CLPB: variants seen among roughly 807,000 people sequenced by gnomAD.
CLPB encodes the protein mitochondrial disaggregase.
In CLPB, 40 loss-of-function variants were observed where a neutral mutation model predicts 78.4. The observed-to-expected ratio is 0.51, with a 90% CI of 0.40 to 0.66. The LOEUF (loss-of-function observed/expected upper bound fraction) is 0.66. Ranked by LOEUF, CLPB falls within the 30% of genes least tolerant of loss-of-function variation. The pLI is 0.00. For missense variants in CLPB, 780 were observed against 886.9 expected, an observed-to-expected ratio of 0.88 and a Z score of 1.53; for synonymous variants, 333 against 348.0, an observed-to-expected ratio of 0.96 and a Z score of 0.48.
At chr11:72,418,676 G>A (rs1350908376) in intron 2 of CLPB, among the ~76,000 whole-genome samples, 1 of 152,016 alleles carries the variant, frequency 6.6e-6, no homozygotes, top group African/African-American at 2.4e-5. Flanking sequence ...CCAACATGGC[G>A]AAACCCTGTC....
chr11:72,350,006 G>A (rs1173775424), intron 5 of CLPB, among the ~76,000 whole-genome samples: 2 of 152,248 alleles, frequency 1.3e-5, no homozygotes, highest in Non-Finnish European at 2.9e-5. Context: ...AAATGCGGGG[G>A]CCTGGATGGC....
At chr11:72,319,183 G>A (rs59990809) in intron 6 of CLPB, among the ~76,000 whole-genome samples, 2,832 of 152,190 alleles carry the variant, frequency 0.019, 92 homozygotes, top group African/African-American at 0.065. Flanking sequence ...TACTGTCTAG[G>A]GAGTCTGTTG....
At chr11:72,320,361 T>A (rs1950023383) in intron 6 of CLPB, among the ~76,000 whole-genome samples, 3 of 152,198 alleles carry the variant, frequency 2.0e-5, no homozygotes, top group Admixed American at 2.0e-4. Flanking sequence ...TTCCTGTTTA[T>A]TTCTTGGGCA....
At chr11:72,416,572 C>A (rs1856030032) in intron 2 of CLPB, among the ~76,000 whole-genome samples, 2 of 151,522 alleles carry the variant, frequency 1.3e-5, no homozygotes, top group African/African-American at 2.4e-5. Context: ...CCCGTCTCTA[C>A]CAAAAATACA....
chr11:72,314,967 G>C (rs1183717613), intron 7 of CLPB, among the ~76,000 whole-genome samples: 1 of 152,168 alleles, frequency 6.6e-6, no homozygotes, highest in Non-Finnish European at 1.5e-5. Flanking sequence ...TACGTGTTTT[G>C]CAAAGATCAC....
chr11:72,434,513 T>C lies in CLPB; in HGVS notation c.-39A>G. On this transcript the variant is annotated 5_prime_UTR_variant, in exon 1 of 16. Transcript: ENST00000538039. ...TCGATAACCCCGTGGTGCCGGCCCC[T>C]GTGCTGACCACGTCCAACATGGCTG... The C allele has an allele frequency of 8.6e-6, 13 of 1,512,144 alleles. No homozygotes were observed. Among genetic ancestry groups the C allele is most frequent in the South Asian group, 1.3e-5 (1 of 75,272 alleles). The allele number at this position is 1,512,144 out of a possible 1,614,324, so 93.7% of individuals were successfully genotyped here.
rs757880862 is a variant in CLPB at position 72,329,768 on chromosome 11, G to A, written c.812C>T (p.Thr271Ile). ...NPLQRNEMGHTPLDYAREGEV... is the reference protein window; with the variant it reads ...NPLQRNEMGHIPLDYAREGEV... ...CCCTTCTCGGGCATAATCCAAGGGTGTGTGTCCCATTTCATTCCTCTGCAG... is the reference window on the plus strand; with the variant it reads ...CCCTTCTCGGGCATAATCCAAGGGTATGTGTCCCATTTCATTCCTCTGCAG... The change falls in exon 6 of 16, where the codon ACA (threonine) becomes ATA (isoleucine). Residue 271 changes from threonine (T) to isoleucine (I), a missense_variant. Around this residue, in one of 3 missense-constraint regions of CLPB, gnomAD observed 417 missense variants for 414.7 expected, o/e 1.01. Coordinates refer to ENST00000538039, the MANE Select transcript of CLPB (RefSeq NM_001258392.3). 1 of 1,613,850 alleles carries A rather than the reference G, an allele frequency of 6.2e-7. No homozygotes were observed. The highest frequency in any genetic ancestry group is 1.7e-5 in the Admixed American group (1 of 59,984).
chr11:72,400,151 T>C (rs1050287627), intron 3 of CLPB, among the ~76,000 whole-genome samples: 1 of 152,218 alleles, frequency 6.6e-6, no homozygotes, highest in Non-Finnish European at 1.5e-5. Flanking sequence ...ATAAGCTCTA[T>C]GTGGGCAGGG....
intron 6 of CLPB, among the ~76,000 whole-genome samples, chr11:72,319,796 A>G (rs1950012478): frequency 6.6e-6 from 1 of 152,240 alleles, no homozygotes; most frequent in Admixed American, 6.5e-5. Flanking sequence ...CCTTCTACCT[A>G]ACCCTTATTA....
chr11:72,285,661 A>G lies in CLPB; in HGVS notation c.*7706T>C, dbSNP rs1446727718. ...TTAAATTTATTAAGTATAATTTTGA[A>G]CAGGTAATACATTAATATGGTTCAA... On this transcript the variant is annotated 3_prime_UTR_variant, in exon 16 of 16. Coordinates refer to ENST00000538039, the MANE Select transcript of CLPB (RefSeq NM_001258392.3). The G allele has an allele frequency of 1.3e-5, 2 of 152,182 alleles. No individual in the cohort carries two copies. The highest frequency in any genetic ancestry group is 1.3e-4 in the Admixed American group (2 of 15,270). 9.4% of individuals were successfully genotyped at this position (152,182 alleles called of 1,614,324 possible). A position where few individuals can be genotyped will look rare whatever the true frequency, so the allele number is the denominator to read the frequency against.
intron 3 of CLPB, among the ~76,000 whole-genome samples, chr11:72,390,453 G>GAAAAAAAAAAAAAAAAAAAAAAAAAAAA (rs1329085745): frequency 1.4e-5 from 1 of 69,626 alleles, no homozygotes; most frequent in African/African-American, 5.4e-5. Context: ...AAACGAAATA[G>GAAAAAAAAAAAAAAAAAAAAAAAAAAAA]AAAAAAAAAA....
At chr11:72,430,126 C>A (rs559322754) in intron 2 of CLPB, among the ~76,000 whole-genome samples, 186 bp downstream of exon 2, 1 of 152,102 alleles carries the variant, frequency 6.6e-6, no homozygotes, top group East Asian at 1.9e-4. Flanking sequence ...GACTCCCTAC[C>A]GAAAATATCC....
chr11:72,397,510 T>A (rs569758676), intron 3 of CLPB, among the ~76,000 whole-genome samples: 172 of 152,324 alleles, frequency 1.1e-3, no homozygotes, highest in Non-Finnish European at 1.5e-3. Context: ...ATCAATATTG[T>A]TCTGTATCCT....
intron 2 of CLPB, among the ~76,000 whole-genome samples, chr11:72,422,144 G>A (rs1188343280): frequency 6.6e-6 from 1 of 151,952 alleles, no homozygotes; most frequent in Non-Finnish European, 1.5e-5. Flanking sequence ...GCGGGCGCCT[G>A]TAGTCCAGCA....
chr11:72,415,613 A>G (rs2059129646), intron 2 of CLPB, among the ~76,000 whole-genome samples: 1 of 152,182 alleles, frequency 6.6e-6, no homozygotes, highest in African/African-American at 2.4e-5. Context: ...TTACAAATTC[A>G]CAAGCAAATA....
rs753669921 is a variant in CLPB at position 72,293,414 on chromosome 11, C to T, written c.1987G>A (p.Asp663Asn). Residue 663 changes from aspartate (D) to asparagine (N), a missense_variant, in exon 16 of 16, where the codon GAC (aspartate) becomes AAC (asparagine). Asp to Asn is a conservative substitution (Grantham distance 23, BLOSUM62 1). Transcript: ENST00000538039. ...TCAGGGTGCAGTGGTGCCCGGATGT[C>T]CAGTCTGCGAGTCTTGCTGTCCTTG... ...IDKDSKTRRL[D>N]IRAPLHPEKV... 6.2e-7 allele frequency: 1 copy of T among 1,614,156 alleles called. No individual in the cohort carries two copies. Among genetic ancestry groups the T allele is most frequent in the South Asian group, 1.1e-5 (1 of 91,074 alleles).
intron 2 of CLPB, among the ~76,000 whole-genome samples, chr11:72,428,284 T>G (rs558218022): frequency 6.6e-6 from 1 of 152,284 alleles, no homozygotes; most frequent in African/African-American, 2.4e-5. Context: ...AGATCGGCCC[T>G]CAGCCTTTTC....
intron 5 of CLPB, among the ~76,000 whole-genome samples, chr11:72,339,432 C>G (rs998076883): frequency 6.6e-6 from 1 of 152,102 alleles, no homozygotes; most frequent in Admixed American, 6.5e-5. Flanking sequence ...ATATTAAAAC[C>G]CTGAGAAGCA....
At chr11:72,430,407 A>G in intron 1 of CLPB, 44 bp from the exon 2 acceptor site, 2 of 1,597,384 alleles carry the variant, frequency 1.3e-6, no homozygotes, top group Non-Finnish European at 1.7e-6. Flanking sequence ...GCCAGGACAT[A>G]CCCATCTCAG....
Sources: allele counts gnomAD v4.1 joint callset (sites outside exome capture counted in the v4.1 genomes callset), GRCh38; gene constraint gnomAD v4.1.1; regional missense constraint gnomAD v4.1.1; transcripts MANE v1.5; gene names NCBI Gene and HGNC (gene_info 2026-07-23, HGNC 2026-07-21).